The following CDH9 variants were observed in gnomAD, a reference collection of about 807,000 sequenced individuals.
CDH9 encodes cadherin 9, also known as cadherin-9.
In CDH9, 28 loss-of-function variants were observed where a neutral mutation model predicts 70.9. That is an observed-to-expected ratio of 0.40 (90% CI 0.29 to 0.54). CDH9 has a LOEUF of 0.54. Among genes scored for constraint, CDH9 ranks in the 20% least tolerant of loss-of-function variants. CDH9 has a pLI of 0.59. For missense variants in CDH9, 874 were observed against 984.4 expected, an observed-to-expected ratio of 0.89 and a Z score of 1.50; for synonymous variants, 409 against 343.1, an observed-to-expected ratio of 1.19 and a Z score of -2.12.
chr5:26,953,427 A>G (rs1313210988), intron 2 of CDH9, among the ~76,000 whole-genome samples: 1 of 152,196 alleles, frequency 6.6e-6, no homozygotes, highest in Non-Finnish European at 1.5e-5. Context: ...TTATACCAAA[A>G]TAAAAATCCA....
At chr5:26,900,817 C>T (rs574435420) in intron 7 of CDH9, among the ~76,000 whole-genome samples, 105 of 152,082 alleles carry the variant, frequency 6.9e-4, no homozygotes, top group African/African-American at 2.4e-3. Flanking sequence ...TGAAACATGA[C>T]AAATACTATA....
rs751366845 is a variant in CDH9 at position 26,890,523 on chromosome 5, C to A, written c.1295G>T (p.Gly432Val). The change falls in exon 8 of 12, where the codon GGT (glycine) becomes GTT (valine). Residue 432 changes from glycine to valine, a missense_variant. Physicochemically the swap from Gly to Val is moderately radical, Grantham distance 109. Transcript: ENST00000231021. ...AATAGAACCATTTTCTGAGTGAATA[C>A]CAAAAATACGGTCCATATCAGTATG... ...DRHTDMDRIF[G>V]IHSENGSIFT... The A allele has an allele frequency of 6.2e-7, 1 of 1,607,866 alleles. No homozygotes were observed. The highest frequency in any genetic ancestry group is 8.5e-7 in the Non-Finnish European group (1 of 1,174,434).
intron 2 of CDH9, among the ~76,000 whole-genome samples, chr5:26,929,808 G>A (rs933196942): frequency 2.6e-5 from 4 of 152,002 alleles, no homozygotes; most frequent in African/African-American, 9.7e-5. Context: ...TGTGTTCATG[G>A]AGACAGAGAG....
In CDH9 at chr5:26,881,438, G is replaced by A. The variant is rs751593635; in HGVS notation, c.2068C>T (p.Arg690Trp). The A allele has an allele frequency of 3.7e-6, 6 of 1,613,170 alleles. No individual in the cohort carries two copies. In the Admixed American group the frequency reaches 5.0e-5, roughly 13 times the overall value. ...AAAATAGTTTCAGGCATTACATCCC[G>A]TCTAAGTTTACTGTCTTCTCTTGCC... ...PEAREDSKLR[R>W]DVMPETIFQI... is the part of the protein sequence containing the mutation. Residue 690 changes from arginine to tryptophan, a missense_variant, in exon 12 of 12, where the codon CGG becomes TGG. By Grantham distance (101) the Arg-to-Trp change is moderately radical. Coordinates refer to ENST00000231021, the MANE Select transcript of CDH9 (RefSeq NM_016279.4).
intron 3 of CDH9, among the ~76,000 whole-genome samples, chr5:26,908,629 T>G (rs1397685853): frequency 1.3e-5 from 2 of 152,182 alleles, no homozygotes; most frequent in Non-Finnish European, 2.9e-5. Flanking sequence ...GGAATTTTAA[T>G]TTCGATTATT....
chr5:26,984,792 T>C (rs916856268), intron 2 of CDH9, among the ~76,000 whole-genome samples: 9 of 152,128 alleles, frequency 5.9e-5, no homozygotes, highest in Non-Finnish European at 8.8e-5. Flanking sequence ...ATTTCGCTTA[T>C]TACATAAAAC....
At chr5:26,961,461 G>A (rs961771333) in intron 2 of CDH9, among the ~76,000 whole-genome samples, 5 of 152,060 alleles carry the variant, frequency 3.3e-5, no homozygotes, top group African/African-American at 1.2e-4. Context: ...TGTAAATGGA[G>A]TATGAGTTGG....
chr5:27,021,970 C>T (rs536819610), intron 1 of CDH9, among the ~76,000 whole-genome samples: 43 of 152,016 alleles, frequency 2.8e-4, no homozygotes, highest in Non-Finnish European at 5.3e-4. Context: ...ATCGGATACT[C>T]TCGTGTTGTT....
At chr5:26,898,887 C>T (rs192063932) in intron 7 of CDH9, among the ~76,000 whole-genome samples, 1 of 152,106 alleles carries the variant, frequency 6.6e-6, no homozygotes, top group Admixed American at 6.6e-5. Context: ...ATCAGGCAAA[C>T]TATAGAATGG....
At chr5:26,904,748 T>C (rs1401515839) in intron 5 of CDH9, among the ~76,000 whole-genome samples, 1 of 152,104 alleles carries the variant, frequency 6.6e-6, no homozygotes, top group Non-Finnish European at 1.5e-5. Flanking sequence ...GTTAGTTAAA[T>C]TCGCTAAACT....
At chr5:26,992,680 A>T (rs1742596435) in intron 1 of CDH9, among the ~76,000 whole-genome samples, 1 of 152,214 alleles carries the variant, frequency 6.6e-6, no homozygotes, top group African/African-American at 2.4e-5. Context: ...AAAGGCTGAG[A>T]GAGTTTTAAG....
At chr5:26,962,092 T>C (rs941579423) in intron 2 of CDH9, among the ~76,000 whole-genome samples, 7 of 152,160 alleles carry the variant, frequency 4.6e-5, no homozygotes, top group Non-Finnish European at 1.0e-4. Flanking sequence ...TTTTCAGTTC[T>C]TGTGTTATTT....
intron 1 of CDH9, among the ~76,000 whole-genome samples, chr5:27,002,226 A>G (rs1318991668): frequency 6.6e-6 from 1 of 152,182 alleles, no homozygotes; most frequent in Non-Finnish European, 1.5e-5. Flanking sequence ...ATGAGATGCC[A>G]TCTCACACCA....
chr5:26,888,664 G>A (rs1740604805), intron 9 of CDH9, among the ~76,000 whole-genome samples: 1 of 152,212 alleles, frequency 6.6e-6, no homozygotes, highest in African/African-American at 2.4e-5. Flanking sequence ...TTAGTCAGCT[G>A]GGCTGCCATA....
At chr5:26,992,829 G>A (rs1742599207) in intron 1 of CDH9, among the ~76,000 whole-genome samples, 1 of 152,156 alleles carries the variant, frequency 6.6e-6, no homozygotes, top group Admixed American at 6.5e-5. Flanking sequence ...GGGCGTGGTG[G>A]CTCAGGCCTG....
In CDH9 at chr5:26,890,695, G is replaced by A. The variant is rs994147740; in HGVS notation, c.1254-131C>T. ...AATGCAAAATGCTAACAACTTTCTT[G>A]AATTTTTATTTTATAGAATTGTTAT... On this transcript the variant is annotated intron_variant, in intron 7 of 11. Coordinates refer to ENST00000231021, the MANE Select transcript of CDH9 (RefSeq NM_016279.4). The A allele has an allele frequency of 4.7e-6, 3 of 635,366 alleles. No homozygotes were observed. The African/African-American group carries it at 5.5e-5, about 12-fold the overall frequency. The allele number at this position is 635,366 out of a possible 1,614,324, so 39.4% of individuals were successfully genotyped here. A position where few individuals can be genotyped will look rare whatever the true frequency, so the allele number is the denominator to read the frequency against.
intron 2 of CDH9, among the ~76,000 whole-genome samples, chr5:26,949,941 T>C (rs1283128327): frequency 6.6e-6 from 1 of 152,248 alleles, no homozygotes; most frequent in Non-Finnish European, 1.5e-5. Flanking sequence ...TCATAATCAC[T>C]GATGTCTTTA....
chr5:26,986,870 C>T (rs1742495929), intron 2 of CDH9, among the ~76,000 whole-genome samples: 1 of 151,934 alleles, frequency 6.6e-6, no homozygotes, highest in South Asian at 2.1e-4. Context: ...AAGGAACCAG[C>T]AAGGGAACTG....
intron 2 of CDH9, among the ~76,000 whole-genome samples, chr5:26,965,480 G>A (rs1385399679): frequency 6.6e-6 from 1 of 151,774 alleles, no homozygotes; most frequent in Non-Finnish European, 1.5e-5. Context: ...GGAGGCTGAG[G>A]CAGGAGAATC....
Sources: gnomAD v4.1 joint callset for allele counts (sites outside exome capture counted in the v4.1 genomes callset) on GRCh38, gnomAD v4.1.1 for gene constraint, MANE v1.5 for transcripts, NCBI Gene and HGNC (gene_info 2026-07-23, HGNC 2026-07-21) for gene names.